Variants in EPHA1 observed in about 807,000 individuals in gnomAD.
EPHA1 encodes EPH receptor A1.
In EPHA1, 92 loss-of-function variants were observed where a neutral mutation model predicts 110.1. That is an observed-to-expected ratio of 0.84 (90% confidence interval 0.71 to 0.99). EPHA1 has a LOEUF of 0.99. EPHA1 is among the 50% of genes least tolerant of loss of function. The pLI is 0.00. For missense variants in EPHA1, 1,204 were observed against 1,285.4 expected (o/e 0.94, Z 0.97); for synonymous variants, 500 against 516.1 (o/e 0.97, Z 0.42).
rs746372233 is a variant in EPHA1 at position 143,401,975 on chromosome 7, G to A, written c.151-370C>T. 9.9e-5 allele frequency among the ~76,000 whole-genome samples: 15 copies of A among 152,068 alleles called. No homozygotes were observed. Among genetic ancestry groups the A allele is most frequent in the Non-Finnish European group, 1.8e-4 (12 of 68,022 alleles). On this transcript the variant is annotated intron_variant, in intron 2 of 17. Coordinates refer to ENST00000275815, the MANE Select transcript of EPHA1 (RefSeq NM_005232.5). The surrounding 1 kb of genome is among the most constrained non-coding windows in gnomAD (Gnocchi z 4.1). Reference sequence around the variant, plus strand: ...TTTTGTTTTTCAGAGACAGGGTCTCGTTCTGTCTGCAGCGCAGTGGTATAA... The same window carrying A: ...TTTTGTTTTTCAGAGACAGGGTCTCATTCTGTCTGCAGCGCAGTGGTATAA...
At position 143,401,537 on chromosome 7, in the gene EPHA1, T is replaced by G. The variant is rs1805420749; in HGVS notation, c.219A>C (p.Gly73=). The stretch of plus-strand genomic sequence containing the variant: ...GAAGCCAGTGGTCAGTGTCTCTGCG[T>G]CCTTGCATTGGGCAGTCCTGGTACA... ...LYMYQDCPMQ[G]RRDTDHWLRS... is the part of the protein sequence containing the mutation. The change falls in exon 3 of 18, where the codon GGA becomes GGC. Residue 73 remains glycine, a synonymous_variant. Transcript: ENST00000275815. This position sits in a 1 kb window ranked among gnomAD's most constrained non-coding sequence, Gnocchi z 4.1. 2 of 1,614,026 alleles carry G rather than the reference T, an allele frequency of 1.2e-6. No individual in the cohort carries two copies. Among genetic ancestry groups the G allele is most frequent in the Non-Finnish European group, 1.7e-6 (2 of 1,180,032 alleles).
In EPHA1 at chr7:143,395,061, C is replaced by A. The variant is rs1237797451; in HGVS notation, c.2146-47G>T. The A allele has an allele frequency of 6.2e-7, 1 of 1,613,886 alleles. No individual in the cohort carries two copies. Among genetic ancestry groups the A allele is most frequent in the Middle Eastern group, 1.6e-4 (1 of 6,062 alleles). On this transcript the variant is annotated intron_variant, in intron 13 of 17. Coordinates refer to ENST00000275815, the MANE Select transcript of EPHA1 (RefSeq NM_005232.5). This position sits in a 1 kb window ranked among gnomAD's most constrained non-coding sequence, Gnocchi z 4.7. ...AGTCAGGGGATGGGCCAGGTCTCCT[C>A]CCAGTGCCCAGGGTACCATGGTGCA...
intron 2 of EPHA1, among the ~76,000 whole-genome samples, chr7:143,406,749 C>T (rs780178774): frequency 3.3e-5 from 5 of 152,120 alleles, no homozygotes; most frequent in African/African-American, 9.7e-5. Flanking sequence ...TGACTGCAGG[C>T]GGGAGGAATC....
intron 5 of EPHA1, 101 bp from the exon 6 acceptor site, chr7:143,399,046 G>A: frequency 7.9e-7 from 1 of 1,259,272 alleles, no homozygotes; most frequent in Non-Finnish European, 1.1e-6. Context: ...GTCCTCTGAA[G>A]TCCTCTTGGG....
intron 7 of EPHA1, 76 bp from the exon 8 acceptor site, chr7:143,398,146 A>G: frequency 1.3e-6 from 2 of 1,594,248 alleles, no homozygotes; most frequent in Non-Finnish European, 1.7e-6. Flanking sequence ...ATCAGAGCAC[A>G]TGGGGAGGGG....
chr7:143,407,463 A>G, intron 2 of EPHA1, 148 bp downstream of exon 2: 1 of 497,088 alleles, frequency 2.0e-6, no homozygotes, highest in Non-Finnish European at 3.6e-6. Flanking sequence ...CCCATTGAGG[A>G]GGCTCTGACT....
rs1440878134 is a variant in EPHA1, at chr7:143,398,930, G to T, written c.1007C>A (p.Pro336His). ...QVACTGPPSA[P>H]RNLSFSASGT... ...TGAGGCAGAGAAGCTCAGGTTTCGG[G>T]GGGCCGAGGGGGGACCTGTGGGAGA... Residue 336 changes from proline (P) to histidine (H), a missense_variant, in exon 6 of 18, where the codon CCC (proline) becomes CAC (histidine). Pro to His is a moderately conservative substitution (Grantham distance 77, BLOSUM62 -2). Coordinates refer to ENST00000275815, the MANE Select transcript of EPHA1 (RefSeq NM_005232.5). The T allele has an allele frequency of 6.2e-7, 1 of 1,604,182 alleles. No individual in the cohort carries two copies. Among genetic ancestry groups the T allele is most frequent in the Non-Finnish European group, 8.5e-7 (1 of 1,174,912 alleles).
intron 2 of EPHA1, among the ~76,000 whole-genome samples, chr7:143,406,026 A>C (rs1341086859): frequency 6.6e-6 from 1 of 152,202 alleles, no homozygotes; most frequent in Non-Finnish European, 1.5e-5. Context: ...GGTGCTGTGA[A>C]TTGTAAAATA....
chr7:143,408,312 T>C lies in EPHA1; in HGVS notation c.82+412A>G, dbSNP rs528572720. Among the ~76,000 whole-genome samples the C allele has an allele frequency of 3.2e-4, 49 of 152,248 alleles. 1 individual carries two copies. The South Asian group carries it at 9.3e-3, about 29-fold the overall frequency. On this transcript the variant is annotated intron_variant, in intron 1 of 17. Coordinates refer to ENST00000275815, the MANE Select transcript of EPHA1 (RefSeq NM_005232.5). ...TCCTAACCCTTCTCCCGGAGGCAGC[T>C]CCCTCTGTCCCTGGCCTAGGTTGGC...
Position 143,398,628 on chromosome 7 carries a change from A to G in EPHA1, c.1309T>C (p.Ser437Pro). Residue 437 changes from serine (S) to proline (P), a missense_variant, in exon 6 of 18, where the codon TCA (serine) becomes CCA (proline). By Grantham distance (74) the Ser-to-Pro change is moderately conservative (BLOSUM62 -1). Transcript: ENST00000275815. ...GCATGCCCCATGCTGATGCTGACTG[A>G]GGTGCTGGCATGGCCAGAGCTGCCC... ...GLGSSGHAST[S>P]VSISMGHAES... 1 of 1,613,976 alleles carries G rather than the reference A, an allele frequency of 6.2e-7. No individual in the cohort carries two copies. Among genetic ancestry groups the G allele is most frequent in the Middle Eastern group, 1.6e-4 (1 of 6,062 alleles).
rs376504527 is a variant in EPHA1, at chr7:143,399,988, C to G, written c.498G>C (p.Leu166=). The stretch of plus-strand genomic sequence containing the variant: ...GGCCCAGAGAGCAGCGCTCCACATT[C>G]AGCTTCACGGAGCCAGACACAAGGT... ...IRDLVSGSVK[L]NVERCSLGRL... The change falls in exon 4 of 18, where the codon CTG becomes CTC. Residue 166 remains leucine (L), a synonymous_variant. Transcript: ENST00000275815. The G allele has an allele frequency of 1.2e-6, 2 of 1,613,904 alleles. No individual in the cohort carries two copies. The highest frequency in any genetic ancestry group is 1.7e-6 in the Non-Finnish European group (2 of 1,180,004).
chr7:143,401,295 G>T lies in EPHA1; in HGVS notation c.432+29C>A, dbSNP rs757525164. 1 of 1,607,968 alleles carries T rather than the reference G, an allele frequency of 6.2e-7. No homozygotes were observed. Among genetic ancestry groups the T allele is most frequent in the Non-Finnish European group, 8.5e-7 (1 of 1,177,060 alleles). On this transcript the variant is annotated intron_variant, in intron 3 of 17. Transcript: ENST00000275815. This position sits in a 1 kb window ranked among gnomAD's most constrained non-coding sequence, Gnocchi z 4.1. ...AGGAGCCACCAGGGATCTGCACCAG[G>T]ACCCAGATGGCATGGAGGGAAGCAG...
rs1258859035 is a variant in EPHA1 at position 143,393,387 on chromosome 7, G to A, written c.2696+284C>T. Among the ~76,000 whole-genome samples, 2 of 152,128 alleles carry A rather than the reference G, an allele frequency of 1.3e-5. No individual in the cohort carries two copies. Among genetic ancestry groups the A allele is most frequent in the African/African-American group, 2.4e-5 (1 of 41,422 alleles). On this transcript the variant is annotated intron_variant, in intron 16 of 17. Coordinates refer to ENST00000275815, the MANE Select transcript of EPHA1 (RefSeq NM_005232.5). This position sits in a 1 kb window ranked among gnomAD's most constrained non-coding sequence, Gnocchi z 5.6. ...CAGTGGGATTGGCAAGGATGGCTCC[G>A]GGAGTGTCTTAGGTGAGGCTGCCTG... is the stretch of plus-strand genomic sequence containing the variant.
intron 7 of EPHA1, 124 bp from the exon 8 acceptor site, chr7:143,398,194 AC>A (rs1334434355): frequency 1.3e-6 from 2 of 1,574,142 alleles, no homozygotes; most frequent in East Asian, 2.3e-5. Context: ...TTCTTCATAG[AC>A]TTTTGTCCTG....
chr7:143,407,769 C>T, intron 1 of EPHA1, 91 bp from the exon 2 acceptor site: 3 of 1,122,508 alleles, frequency 2.7e-6, no homozygotes, highest in Non-Finnish European at 2.6e-6. Flanking sequence ...CAGCCCCAGG[C>T]TGCAACATCC....
chr7:143,394,606 G>C (rs1326174076), intron 14 of EPHA1, among the ~76,000 whole-genome samples: 1 of 152,034 alleles, frequency 6.6e-6, no homozygotes, highest in Non-Finnish European at 1.5e-5. Flanking sequence ...ATTTTTAGTA[G>C]AGACGGGGTT....
Position 143,392,799 on chromosome 7 carries a change from G to T in EPHA1, c.2696+872C>A, listed in dbSNP as rs760644350. Among the ~76,000 whole-genome samples, 3 of 152,050 alleles carry T rather than the reference G, an allele frequency of 2.0e-5. No individual in the cohort carries two copies. The East Asian group carries it at 5.8e-4, about 29-fold the overall frequency. On this transcript the variant is annotated intron_variant, in intron 16 of 17. Transcript: ENST00000275815. ...TCTACTAAAAATACAAAAATTAGCC[G>T]GGCATGGTGGTATGTGCCTGTAATC...
chr7:143,392,313 A>T (rs1463223250), intron 16 of EPHA1, among the ~76,000 whole-genome samples: 1 of 152,236 alleles, frequency 6.6e-6, no homozygotes, highest in Non-Finnish European at 1.5e-5. Context: ...AACCATTAGC[A>T]AAGTAAATCT....
At position 143,391,232 on chromosome 7, in the gene EPHA1, C is replaced by T; in HGVS notation, c.*225G>A. The T allele has an allele frequency of 1.7e-6, 1 of 585,698 alleles. No homozygotes were observed. The highest frequency in any genetic ancestry group is 3.0e-6 in the Non-Finnish European group (1 of 328,248). 36.3% of individuals were successfully genotyped at this position (585,698 alleles called of 1,614,324 possible). ...GTGTATGTATGTATATATATTAACC[C>T]CTCAGCTCCCTCCCATGATCATCCT... On this transcript the variant is annotated 3_prime_UTR_variant, in exon 18 of 18. Transcript: ENST00000275815.
Sources: allele counts gnomAD v4.1 joint callset (sites outside exome capture counted in the v4.1 genomes callset), GRCh38; gene constraint gnomAD v4.1.1; non-coding constraint Gnocchi (gnomAD v3.1); transcripts MANE v1.5; gene names NCBI Gene and HGNC (gene_info 2026-07-23, HGNC 2026-07-21).